The following ZBTB20 variants were observed in gnomAD, a reference collection of about 807,000 sequenced individuals.
The protein encoded by ZBTB20 is zinc finger and BTB domain containing 20, also known as zinc finger and BTB domain-containing protein 20.
Under a neutral mutation model 56.9 loss-of-function variants are expected in ZBTB20, and 9 were observed. The ratio of observed to expected loss-of-function variants is 0.16; its 90% confidence interval spans 0.10 to 0.28. The LOEUF is 0.28. ZBTB20 is among the 10% of genes least tolerant of loss of function. The pLI is 1.00. For missense variants in ZBTB20, 655 were observed against 1,003.0 expected (o/e 0.65, Z 4.69); for synonymous variants, 417 against 420.7 (o/e 0.99, Z 0.11).
At chr3:114,933,978 C>T (rs2076445488) in intron 3 of ZBTB20, among the ~76,000 whole-genome samples, 1 of 152,054 alleles carries the variant, frequency 6.6e-6, no homozygotes, top group South Asian at 2.1e-4. Context: ...CAGAATCATC[C>T]TTCCTTCCTT....
At chr3:114,495,456 C>T (rs1317568318) in intron 7 of ZBTB20, among the ~76,000 whole-genome samples, 1 of 146,638 alleles carries the variant, frequency 6.8e-6, no homozygotes, top group East Asian at 1.9e-4. Context: ...TGTGTATACA[C>T]ACACACACAC....
chr3:114,707,639 C>T (rs544806459), intron 5 of ZBTB20, among the ~76,000 whole-genome samples: 1 of 152,290 alleles, frequency 6.6e-6, no homozygotes, highest in South Asian at 2.1e-4. Context: ...CTGGAGGGGA[C>T]ACAGTGGAAG....
At chr3:114,597,435 A>G (rs1436508492) in intron 6 of ZBTB20, among the ~76,000 whole-genome samples, 3 of 152,192 alleles carry the variant, frequency 2.0e-5, no homozygotes, top group African/African-American at 7.2e-5. Context: ...TTTTACTTTG[A>G]AAGTTTTCCA....
chr3:114,690,774 CTTAA>C (rs2062653343), intron 6 of ZBTB20, among the ~76,000 whole-genome samples: 1 of 152,084 alleles, frequency 6.6e-6, no homozygotes, highest in South Asian at 2.1e-4. Flanking sequence ...TGCCAATAAT[CTTAA>C]TTAAAAATTA....
At chr3:114,812,352 A>T (rs1396290930) in intron 4 of ZBTB20, among the ~76,000 whole-genome samples, 2 of 152,014 alleles carry the variant, frequency 1.3e-5, no homozygotes, top group African/African-American at 4.8e-5. Flanking sequence ...TGTCCACACA[A>T]AGGTTCTCCA....
chr3:114,599,965 A>G (rs2056635899), intron 6 of ZBTB20, among the ~76,000 whole-genome samples: 1 of 151,970 alleles, frequency 6.6e-6, no homozygotes, highest in African/African-American at 2.4e-5. Context: ...GCGAGCACAT[A>G]AGATTCCAAA....
intron 4 of ZBTB20, among the ~76,000 whole-genome samples, chr3:114,873,450 C>T (rs1182390645): frequency 6.6e-6 from 1 of 152,044 alleles, no homozygotes; most frequent in Non-Finnish European, 1.5e-5. Context: ...ATGATTTTCT[C>T]CTTTAAACAT....
rs995484974 is a variant in ZBTB20 at position 114,939,257 on chromosome 3, T to C, written c.-456+35109A>G. On this transcript the variant is annotated intron_variant, in intron 3 of 11. Coordinates refer to ENST00000675478, the MANE Select transcript of ZBTB20 (RefSeq NM_001348800.3). ...TGATAAAGAGCTTTATGAACAAAGA[T>C]GCTCATCGCAGTCTTTTAAAAAATA... is the stretch of plus-strand genomic sequence containing the variant. Among the ~76,000 whole-genome samples the C allele has an allele frequency of 3.4e-5, 5 of 146,450 alleles. 1 individual carries two copies. Among genetic ancestry groups the C allele is most frequent in the African/African-American group, 1.4e-4 (5 of 36,118 alleles).
intron 4 of ZBTB20, among the ~76,000 whole-genome samples, chr3:114,837,032 A>C (rs962553015): frequency 2.0e-5 from 3 of 152,074 alleles, no homozygotes; most frequent in Non-Finnish European, 4.4e-5. Flanking sequence ...AAAACAAGCC[A>C]ATCTTATTCC....
At chr3:114,677,532 C>G (rs1418532861) in intron 6 of ZBTB20, among the ~76,000 whole-genome samples, 1 of 152,166 alleles carries the variant, frequency 6.6e-6, no homozygotes, top group Admixed American at 6.5e-5. Context: ...GCCTGATGAT[C>G]TGAGGTGGAA....
chr3:114,467,401 G>C (rs937302787), intron 7 of ZBTB20, among the ~76,000 whole-genome samples: 17 of 152,178 alleles, frequency 1.1e-4, no homozygotes, highest in African/African-American at 4.1e-4. Flanking sequence ...AGATCATTCA[G>C]ATGAACAGGA....
intron 3 of ZBTB20, among the ~76,000 whole-genome samples, chr3:114,938,900 A>C (rs991371417): frequency 6.9e-6 from 1 of 145,916 alleles, no homozygotes; most frequent in Non-Finnish European, 1.5e-5. Flanking sequence ...TATTCCTTAA[A>C]CCATACAAAA....
chr3:114,497,018 C>T (rs2043357456), intron 7 of ZBTB20, among the ~76,000 whole-genome samples: 1 of 152,150 alleles, frequency 6.6e-6, no homozygotes, highest in Non-Finnish European at 1.5e-5. Context: ...TGCTGAAGAT[C>T]CCATAAGGAT....
intron 6 of ZBTB20, among the ~76,000 whole-genome samples, chr3:114,524,831 C>T (rs779334395): frequency 3.5e-4 from 53 of 152,114 alleles, no homozygotes; most frequent in Non-Finnish European, 6.6e-4. Context: ...TCCCCTGCCG[C>T]GGTCTCTTGA....
Position 114,753,348 on chromosome 3 carries a change from ATAC to A in ZBTB20, c.-343+47750_-343+47752del, listed in dbSNP as rs1272739154. On this transcript the variant is annotated intron_variant, in intron 5 of 11. Transcript: ENST00000675478. Reference sequence around the variant, plus strand: ...ACCTGTATATATAATGTATATATGTATACATTATATATAATGTATATATAATGT... The same window carrying A: ...ACCTGTATATATAATGTATATATGTAATTATATATAATGTATATATAATGT... Among the ~76,000 whole-genome samples the A allele has an allele frequency of 1.6e-4, 12 of 76,694 alleles. 3 individuals carry two copies. The East Asian group carries it at 1.8e-3, about 11-fold the overall frequency. The allele number at this position is 76,694 out of a possible 152,430, so 50.3% of individuals were successfully genotyped here. A position where few individuals can be genotyped will look rare whatever the true frequency, so the allele number is the denominator to read the frequency against.
At chr3:115,025,941 T>C (rs1310978272) in intron 2 of ZBTB20, among the ~76,000 whole-genome samples, 1 of 150,406 alleles carries the variant, frequency 6.6e-6, no homozygotes, top group Non-Finnish European at 1.5e-5. Flanking sequence ...TATACTAAAA[T>C]ACAGTACTAA....
intron 6 of ZBTB20, among the ~76,000 whole-genome samples, chr3:114,606,261 T>C (rs572620580): frequency 1.3e-5 from 2 of 152,336 alleles, no homozygotes; most frequent in East Asian, 3.9e-4. Context: ...CTGATTAGTG[T>C]TGTTTAACAT....
chr3:114,902,068 A>G (rs1308591446), intron 3 of ZBTB20, among the ~76,000 whole-genome samples: 2 of 152,114 alleles, frequency 1.3e-5, no homozygotes, highest in Non-Finnish European at 2.9e-5. Flanking sequence ...CACAAATAAA[A>G]CCCAGTAACT....
intron 4 of ZBTB20, among the ~76,000 whole-genome samples, chr3:114,875,655 C>T (rs1036872078): frequency 3.3e-5 from 5 of 152,094 alleles, no homozygotes; most frequent in African/African-American, 1.2e-4. Context: ...TTCTGGGTGA[C>T]AATGAGGCAT....
Sources: allele counts gnomAD v4.1 joint callset (sites outside exome capture counted in the v4.1 genomes callset), GRCh38; gene constraint gnomAD v4.1.1; transcripts MANE v1.5; gene names NCBI Gene and HGNC (gene_info 2026-07-23, HGNC 2026-07-21).